EPM2A: variants seen among roughly 807,000 people sequenced by gnomAD.
The protein encoded by EPM2A is laforin.
EPM2A carries 21 observed loss-of-function variants against 26.5 expected under a neutral mutation model. That is an observed-to-expected ratio of 0.79 (90% CI 0.56 to 1.14). The LOEUF is 1.14. Ranked by LOEUF, EPM2A falls within the 50% of genes most tolerant of loss-of-function variation. The pLI is 0.00. For missense variants in EPM2A, 458 were observed against 440.8 expected (o/e 1.04, Z -0.35); for synonymous variants, 217 against 177.6 (o/e 1.22, Z -1.76).
intron 2 of EPM2A, among the ~76,000 whole-genome samples, chr6:145,617,170 T>C (rs1223648284): frequency 6.6e-6 from 1 of 152,170 alleles, no homozygotes; most frequent in East Asian, 1.9e-4. Flanking sequence ...GTCTTTTCTG[T>C]GCTGTCTTCA....
intron 2 of EPM2A, among the ~76,000 whole-genome samples, chr6:145,655,533 A>T (rs1248507160): frequency 6.6e-6 from 1 of 152,182 alleles, no homozygotes; most frequent in Admixed American, 6.5e-5. Flanking sequence ...TTTGAAAGGC[A>T]GAAGCTGTAA....
At chr6:145,641,947 A>G (rs370167386) in intron 2 of EPM2A, among the ~76,000 whole-genome samples, 33 of 152,288 alleles carry the variant, frequency 2.2e-4, no homozygotes, top group African/African-American at 6.5e-4. Flanking sequence ...ATGAACCTCA[A>G]TGAAGAATCC....
chr6:145,422,000 AG>A (rs1170722585), intron 4 of EPM2A, among the ~76,000 whole-genome samples: 2 of 148,346 alleles, frequency 1.3e-5, no homozygotes, highest in Non-Finnish European at 1.5e-5. Flanking sequence ...AATCCACAGA[AG>A]TATAGATTTT....
chr6:145,397,353 A>G (rs1778419322), intron 4 of EPM2A, among the ~76,000 whole-genome samples: 1 of 152,130 alleles, frequency 6.6e-6, no homozygotes, highest in African/African-American at 2.4e-5. Context: ...AGGCAGGAGA[A>G]CTGCTTGAGC....
At chr6:145,677,568 C>T (rs181690741) in intron 2 of EPM2A, among the ~76,000 whole-genome samples, 97 of 152,258 alleles carry the variant, frequency 6.4e-4, no homozygotes, top group African/African-American at 2.1e-3. Flanking sequence ...TAAGCTGATA[C>T]ACAACTTCAG....
intron 4 of EPM2A, among the ~76,000 whole-genome samples, chr6:145,456,481 A>C (rs753931074): frequency 5.9e-5 from 9 of 152,306 alleles, no homozygotes; most frequent in Non-Finnish European, 1.2e-4. Flanking sequence ...AAGAAGGATA[A>C]AGAAGAACTT....
rs535377910 is a variant in EPM2A, at chr6:145,467,495, C to A, written c.555+35027G>T. On this transcript the variant is annotated intron_variant, in intron 4 of 4. Transcript: ENST00000638717. Reference sequence around the variant, plus strand: ...TGTTTAAGTAGGGTAGGTTTAGCTGCTATACAGCTTTACACTATGTATTTT... The same window carrying A: ...TGTTTAAGTAGGGTAGGTTTAGCTGATATACAGCTTTACACTATGTATTTT... Among the ~76,000 whole-genome samples the A allele has an allele frequency of 3.3e-5, 5 of 152,240 alleles. No homozygotes were observed. The South Asian group carries it at 1.0e-3, about 32-fold the overall frequency.
chr6:145,627,303 G>T lies in EPM2A; in HGVS notation c.*113C>A. The stretch of plus-strand genomic sequence containing the variant: ...CCCAGGTGAAAGTGGTTGGCTTGGG[G>T]GAGGTCACACAGTCCTTTCAGTTCA... On this transcript the variant is annotated 3_prime_UTR_variant, in exon 4 of 4. Coordinates refer to ENST00000367519, the MANE Select transcript of EPM2A (RefSeq NM_005670.4). The T allele has an allele frequency of 1.3e-6, 2 of 1,587,578 alleles. No individual in the cohort carries two copies. The highest frequency in any genetic ancestry group is 1.1e-5 in the South Asian group (1 of 88,464).
intron 4 of EPM2A, chr6:145,489,947 G>T: frequency 7.3e-7 from 1 of 1,368,374 alleles, no homozygotes; most frequent in Non-Finnish European, 1.0e-6. Context: ...ATTTGGACCT[G>T]CTCTGGAAGC....
At chr6:145,401,208 A>G (rs1778481383) in intron 4 of EPM2A, among the ~76,000 whole-genome samples, 1 of 151,478 alleles carries the variant, frequency 6.6e-6, no homozygotes, top group African/African-American at 2.4e-5. Flanking sequence ...GACAAAAAAA[A>G]TTAATGTAAT....
Position 145,627,463 on chromosome 6 carries a change from A to C in EPM2A, c.949T>G (p.Phe317Val), listed in dbSNP as rs1775895769. 2 of 1,614,108 alleles carry C rather than the reference A, an allele frequency of 1.2e-6. No individual in the cohort carries two copies. The highest frequency in any genetic ancestry group is 1.7e-6 in the Non-Finnish European group (2 of 1,180,060). Reference protein sequence around the residue: ...EEALARAQEDFFQKFGKVRSS... With the variant: ...EEALARAQEDVFQKFGKVRSS... ...CGAACCTTCCCAAATTTCTGGAAAA[A>C]ATCTTCTTGTGCCCGGGCCAAGGCC... The change falls in exon 4 of 4, where the codon TTT (phenylalanine) becomes GTT (valine). Residue 317 changes from phenylalanine (F) to valine (V), a missense_variant. Phe to Val is a conservative substitution (Grantham distance 50). Transcript: ENST00000367519.
intron 2 of EPM2A, among the ~76,000 whole-genome samples, chr6:145,676,686 G>A (rs538960681): frequency 1.3e-5 from 2 of 152,070 alleles, no homozygotes; most frequent in Non-Finnish European, 2.9e-5. Context: ...AAGAAGAAAT[G>A]GATAAATTTC....
intron 2 of EPM2A, 117 bp downstream of exon 2, chr6:145,686,005 G>T: frequency 2.3e-6 from 2 of 856,010 alleles, no homozygotes; most frequent in Non-Finnish European, 1.9e-6. Flanking sequence ...AAGTACTACA[G>T]GCCTATAGAC....
intron 1 of EPM2A, among the ~76,000 whole-genome samples, chr6:145,711,611 T>C (rs1468200288): frequency 1.3e-5 from 2 of 152,108 alleles, no homozygotes; most frequent in African/African-American, 2.4e-5. Flanking sequence ...AATGATGTCA[T>C]GAAAGAGCTC....
chr6:145,424,253 A>G (rs1356324664), intron 4 of EPM2A, among the ~76,000 whole-genome samples: 3 of 152,224 alleles, frequency 2.0e-5, no homozygotes, highest in African/African-American at 7.2e-5. Flanking sequence ...AGGCAGGAGG[A>G]GGAAAAATAG....
chr6:145,667,712 C>G (rs1460419794), intron 2 of EPM2A, among the ~76,000 whole-genome samples: 1 of 138,762 alleles, frequency 7.2e-6, no homozygotes, highest in Non-Finnish European at 1.5e-5. Context: ...GACACATGCA[C>G]ACGTATGTTT....
intron 4 of EPM2A, among the ~76,000 whole-genome samples, chr6:145,409,964 T>C (rs938195918): frequency 4.6e-5 from 7 of 152,230 alleles, no homozygotes; most frequent in African/African-American, 1.7e-4. Flanking sequence ...ACAGTTACTA[T>C]GCCTTTTATG....
rs187963168 is a variant in EPM2A at position 145,645,507 on chromosome 6, G to A, written c.477-10021C>T. ...TTTTTTGGAAACGAGGTCTTGCTAC[G>A]CTGCCCATGCTAATGTCGAACTCCC... On this transcript the variant is annotated intron_variant, in intron 2 of 3. Transcript: ENST00000367519. 1.0e-3 allele frequency among the ~76,000 whole-genome samples: 154 copies of A among 152,100 alleles called. 1 individual carries two copies. The Middle Eastern group carries it at 0.031, about 30-fold the overall frequency.
At chr6:145,687,581 T>A (rs1473411676) in intron 1 of EPM2A, among the ~76,000 whole-genome samples, 1 of 152,166 alleles carries the variant, frequency 6.6e-6, no homozygotes, top group Non-Finnish European at 1.5e-5. Flanking sequence ...GTAAGCAAAC[T>A]AAATGCATGA....
Sources: gnomAD v4.1 joint callset for allele counts (sites outside exome capture counted in the v4.1 genomes callset) on GRCh38, gnomAD v4.1.1 for gene constraint, MANE v1.5 for transcripts, NCBI Gene and HGNC (gene_info 2026-07-23, HGNC 2026-07-21) for gene names.